The following ZFYVE16 variants were observed in gnomAD, a reference collection of about 807,000 sequenced individuals.
The protein encoded by ZFYVE16 is zinc finger FYVE domain-containing protein 16.
A neutral mutation model predicts 138.1 loss-of-function variants in ZFYVE16; 89 were observed. The observed-to-expected ratio is 0.64, with a 90% CI of 0.54 to 0.77. ZFYVE16 has a LOEUF of 0.77. Ranked by LOEUF, ZFYVE16 falls within the 30% of genes least tolerant of loss-of-function variation. The probability of loss-of-function intolerance (pLI) is 0.00; values close to 1 mark genes in which losing one functional copy is unlikely to be tolerated. For synonymous variants in ZFYVE16, 596 were observed against 618.3 expected, an observed-to-expected ratio of 0.96 and a Z score of 0.53; for missense variants, 1,793 against 1,786.7, an observed-to-expected ratio of 1.00 and a Z score of -0.06.
chr5:80,455,697 C>T lies in ZFYVE16; in HGVS notation c.3613C>T (p.Pro1205Ser). Residue 1205 changes from proline to serine, a missense_variant, in exon 12 of 19, where the codon CCT becomes TCT. By Grantham distance (74) the Pro-to-Ser change is moderately conservative. Coordinates refer to ENST00000505560, the MANE Select transcript of ZFYVE16 (RefSeq NM_001284236.3). The part of the protein sequence containing the change: ...LRLGAEYKAY[P>S]APLTSIRGRK... ...TTTTCCTTTCTTATGTATAGCATATCCTGCTCCTCTAACAAGCATCAGAGG... is the reference window on the plus strand; with the variant it reads ...TTTTCCTTTCTTATGTATAGCATATTCTGCTCCTCTAACAAGCATCAGAGG... The T allele has an allele frequency of 6.2e-7, 1 of 1,604,410 alleles. No individual in the cohort carries two copies. Among genetic ancestry groups the T allele is most frequent in the South Asian group, 1.1e-5 (1 of 88,712 alleles).
rs1413993906 is a variant in ZFYVE16, at chr5:80,449,622, G to A, written c.3135G>A (p.Glu1045=). The part of the protein sequence containing the change: ...VPVVEEHPSH[E]QIILLLEGES... The stretch of plus-strand genomic sequence containing the variant: ...TAGTAGAAGAACATCCATCTCATGA[G>A]CAGATCATTTTGCTTCTTGAAGGTG... The change falls in exon 9 of 19, where the codon GAG becomes GAA. Residue 1045 remains glutamate (E), a synonymous_variant. Coordinates refer to ENST00000505560, the MANE Select transcript of ZFYVE16 (RefSeq NM_001284236.3). 1.9e-6 allele frequency: 3 copies of A among 1,610,930 alleles called. No individual in the cohort carries two copies. Among genetic ancestry groups the A allele is most frequent in the Non-Finnish European group, 2.5e-6 (3 of 1,178,648 alleles).
At chr5:80,433,874 G>A (rs1749489731) in intron 2 of ZFYVE16, among the ~76,000 whole-genome samples, 1 of 152,064 alleles carries the variant, frequency 6.6e-6, no homozygotes, top group Non-Finnish European at 1.5e-5. Context: ...TTAGGTAAGT[G>A]TTTAAAAATT....
intron 1 of ZFYVE16, among the ~76,000 whole-genome samples, chr5:80,412,964 C>T (rs1315104070): frequency 2.6e-5 from 4 of 151,496 alleles, no homozygotes; most frequent in Non-Finnish European, 5.9e-5. Context: ...CACATCAGCC[C>T]AGGAGTTTGA....
intron 16 of ZFYVE16, among the ~76,000 whole-genome samples, chr5:80,473,431 GA>G (rs992886688): frequency 1.3e-5 from 2 of 152,054 alleles, no homozygotes; most frequent in Non-Finnish European, 2.9e-5. Context: ...AGCAAAGAAG[GA>G]AAAAGAGGGC....
rs869175257 is a variant in ZFYVE16 at position 80,426,284 on chromosome 5, AT to A, written c.-93-1207del. ...TGTGTGTGTGTGTGTATATATATAT[AT>A]ATATATATAATTAAATTTAAAGTTC... On this transcript the variant is annotated intron_variant, in intron 1 of 18. Coordinates refer to ENST00000505560, the MANE Select transcript of ZFYVE16 (RefSeq NM_001284236.3). Among the ~76,000 whole-genome samples the A allele has an allele frequency of 5.3e-3, 783 of 148,396 alleles. 5 individuals are homozygous for A. Among genetic ancestry groups the A allele is most frequent in the African/African-American group, 7.5e-3 (299 of 39,864 alleles).
chr5:80,472,290 CCAGG>C (rs1385263245), intron 15 of ZFYVE16, among the ~76,000 whole-genome samples: 1 of 151,382 alleles, frequency 6.6e-6, no homozygotes, highest in Non-Finnish European at 1.5e-5. Context: ...GAAATTATCC[CCAGG>C]CAGAGAGCTC....
chr5:80,465,400 G>GGTTTTTTTTTTTTTT (rs1753596919), intron 15 of ZFYVE16, among the ~76,000 whole-genome samples: 1 of 26,780 alleles, frequency 3.7e-5, no homozygotes, highest in Non-Finnish European at 7.4e-5. Flanking sequence ...CCTTTTCTTT[G>GGTTTTTTTTTTTTTT]TTTTTTTTTT....
At chr5:80,425,596 A>G (rs909433591) in intron 1 of ZFYVE16, among the ~76,000 whole-genome samples, 1 of 152,232 alleles carries the variant, frequency 6.6e-6, no homozygotes, top group Non-Finnish European at 1.5e-5. Flanking sequence ...AATATTTACC[A>G]TAGGCAGTTT....
intron 1 of ZFYVE16, among the ~76,000 whole-genome samples, chr5:80,426,242 CTGTGTGTGTGTG>C (rs869080902): frequency 8.0e-6 from 1 of 125,312 alleles, no homozygotes; most frequent in Admixed American, 8.4e-5. Context: ...GTGTGTGTGT[CTGTGTGTGTGTG>C]TGTGTGTGTG....
chr5:80,435,722 G>A (rs1366556472), intron 3 of ZFYVE16: 3 of 438,630 alleles, frequency 6.8e-6, no homozygotes, highest in African/African-American at 2.0e-5. Flanking sequence ...GTGTGCGCCA[G>A]CATGCCCGGC....
chr5:80,416,379 A>G lies in ZFYVE16; in HGVS notation c.-94+8226A>G, dbSNP rs565673292. 3.2e-4 allele frequency among the ~76,000 whole-genome samples: 48 copies of G among 148,298 alleles called. No homozygotes were observed. The East Asian group carries it at 7.7e-3, about 24-fold the overall frequency. ...CAAGCGATTCTCCTGCCTCAGCCTCACAAGTAGCTGGGATTATAGGCACGC... is the reference window on the plus strand; with the variant it reads ...CAAGCGATTCTCCTGCCTCAGCCTCGCAAGTAGCTGGGATTATAGGCACGC... On this transcript the variant is annotated intron_variant, in intron 1 of 18. Coordinates refer to ENST00000505560, the MANE Select transcript of ZFYVE16 (RefSeq NM_001284236.3).
chr5:80,428,826 C>T (rs1422432281), intron 2 of ZFYVE16, among the ~76,000 whole-genome samples: 31 of 152,006 alleles, frequency 2.0e-4, no homozygotes, highest in Admixed American at 6.6e-5. Context: ...CTTCAGTAGC[C>T]GATTCGATCA....
At chr5:80,453,454 C>A (rs1752190195) in intron 11 of ZFYVE16, among the ~76,000 whole-genome samples, 1 of 152,140 alleles carries the variant, frequency 6.6e-6, no homozygotes, top group South Asian at 2.1e-4. Context: ...GCCAGTAGTA[C>A]TTCTAGATAG....
chr5:80,418,110 T>G (rs1018965063), intron 1 of ZFYVE16, among the ~76,000 whole-genome samples: 1 of 152,206 alleles, frequency 6.6e-6, no homozygotes, highest in African/African-American at 2.4e-5. Flanking sequence ...CATTCAGTAC[T>G]TTTGCCAATT....
chr5:80,458,177 C>CT, intron 14 of ZFYVE16, among the ~76,000 whole-genome samples: 1 of 151,936 alleles, frequency 6.6e-6, no homozygotes, highest in African/African-American at 2.4e-5. Context: ...TTATATTATA[C>CT]TTTATCACTT....
intron 15 of ZFYVE16, among the ~76,000 whole-genome samples, chr5:80,470,949 G>A (rs1254575713): frequency 7.8e-6 from 1 of 127,512 alleles, no homozygotes; most frequent in Non-Finnish European, 1.8e-5. Context: ...TAAAGACAAT[G>A]CCAAGTTGGA....
chr5:80,409,382 T>A (rs1056564240), intron 1 of ZFYVE16, among the ~76,000 whole-genome samples: 1 of 152,214 alleles, frequency 6.6e-6, no homozygotes, highest in Non-Finnish European at 1.5e-5. Context: ...CATTTAACAT[T>A]ATGATTGGGG....
chr5:80,460,107 A>G (rs1449842491), intron 15 of ZFYVE16, among the ~76,000 whole-genome samples: 1 of 152,158 alleles, frequency 6.6e-6, no homozygotes, highest in Non-Finnish European at 1.5e-5. Context: ...TTACTTTACC[A>G]TGAATATATA....
chr5:80,476,983 C>T (rs556569161), intron 18 of ZFYVE16, among the ~76,000 whole-genome samples: 3 of 151,690 alleles, frequency 2.0e-5, no homozygotes, highest in South Asian at 4.2e-4. Context: ...TTAGAGGAAA[C>T]GTAAAGTATG....
Sources: gnomAD v4.1 joint callset for allele counts (sites outside exome capture counted in the v4.1 genomes callset) on GRCh38, gnomAD v4.1.1 for gene constraint, MANE v1.5 for transcripts, NCBI Gene and HGNC (gene_info 2026-07-23, HGNC 2026-07-21) for gene names.